Variants in B3GALT1 observed in about 807,000 individuals in gnomAD.
B3GALT1 encodes the protein UDP-Gal:betaGlcNAc beta 1,3-galactosyltransferase, polypeptide 1.
A neutral mutation model predicts 23.2 loss-of-function variants in B3GALT1; 10 were observed. That is an observed-to-expected ratio of 0.43 (90% confidence interval 0.27 to 0.73). The LOEUF (loss-of-function observed/expected upper bound fraction) is 0.73, where lower values mean the gene tolerates loss of function less well. Ranked by LOEUF, B3GALT1 falls within the 30% of genes least tolerant of loss-of-function variation. B3GALT1 has a pLI of 0.21. For synonymous variants in B3GALT1, 156 were observed against 141.5 expected, an observed-to-expected ratio of 1.10 and a Z score of -0.73; for missense variants, 299 against 405.4, an observed-to-expected ratio of 0.74 and a Z score of 2.25.
chr2:167,378,086 G>A (rs1697792586), intron 1 of B3GALT1, among the ~76,000 whole-genome samples: 2 of 152,118 alleles, frequency 1.3e-5, no homozygotes. Flanking sequence ...ATGATTCTTA[G>A]TTTGGCAGGA....
chr2:167,319,069 C>A (rs556256647), intron 1 of B3GALT1, among the ~76,000 whole-genome samples: 1 of 152,260 alleles, frequency 6.6e-6, no homozygotes, highest in South Asian at 2.1e-4. Flanking sequence ...AGAACTTCAG[C>A]ATTAGACACC....
chr2:167,742,406 A>G (rs1275160887), intron 3 of B3GALT1, among the ~76,000 whole-genome samples: 1 of 152,208 alleles, frequency 6.6e-6, no homozygotes, highest in Non-Finnish European at 1.5e-5. Context: ...GATGAGAAAT[A>G]TTTGTGTAGA....
At chr2:167,358,371 G>A (rs1487162146) in intron 1 of B3GALT1, among the ~76,000 whole-genome samples, 1 of 152,152 alleles carries the variant, frequency 6.6e-6, no homozygotes, top group African/African-American at 2.4e-5. Flanking sequence ...GATTACATCG[G>A]CAGATTAGGA....
At chr2:167,678,370 C>T (rs747419548) in intron 3 of B3GALT1, among the ~76,000 whole-genome samples, 34 of 152,080 alleles carry the variant, frequency 2.2e-4, no homozygotes, top group Non-Finnish European at 4.4e-4. Context: ...AAAACTGAGG[C>T]CCAAAAAAGC....
intron 1 of B3GALT1, among the ~76,000 whole-genome samples, chr2:167,482,632 A>T (rs933585217): frequency 3.3e-5 from 5 of 152,180 alleles, no homozygotes; most frequent in African/African-American, 1.2e-4. Flanking sequence ...TATGCAAACA[A>T]AACCAAGCAT....
Position 167,442,945 on chromosome 2 carries a change from T to A in B3GALT1, c.-510-47232T>A, listed in dbSNP as rs1375680060. Among the ~76,000 whole-genome samples the A allele has an allele frequency of 5.2e-3, 767 of 148,922 alleles. 7 individuals carry two copies. Among genetic ancestry groups the A allele is most frequent in the African/African-American group, 0.018 (735 of 40,228 alleles). The stretch of plus-strand genomic sequence containing the variant: ...TTTTGGTGTTTTAGACATGAAGTCC[T>A]TGCCCATGCCTATGTCCTGAATGGT... On this transcript the variant is annotated intron_variant, in intron 1 of 4. Transcript: ENST00000392690.
chr2:167,506,535 GA>G (rs948644285), intron 2 of B3GALT1, among the ~76,000 whole-genome samples: 1 of 152,152 alleles, frequency 6.6e-6, no homozygotes, highest in African/African-American at 2.4e-5. Flanking sequence ...TTTGTGGGGT[GA>G]GGAAAGAAAG....
At chr2:167,820,217 CAG>C (rs372592144) in intron 4 of B3GALT1, among the ~76,000 whole-genome samples, 1 of 152,234 alleles carries the variant, frequency 6.6e-6, no homozygotes, top group East Asian at 1.9e-4. Context: ...AAAAACAAAA[CAG>C]AAAATAAATA....
At chr2:167,313,601 T>C (rs1350991346) in intron 1 of B3GALT1, among the ~76,000 whole-genome samples, 2 of 152,140 alleles carry the variant, frequency 1.3e-5, no homozygotes, top group Non-Finnish European at 2.9e-5. Flanking sequence ...CATTCGTTTC[T>C]TGAACTGGTT....
chr2:167,846,227 A>G (rs1387881946), intron 4 of B3GALT1, among the ~76,000 whole-genome samples: 3 of 152,162 alleles, frequency 2.0e-5, no homozygotes, highest in Admixed American at 2.0e-4. Flanking sequence ...AGACCTAGAC[A>G]CCCAAATACA....
intron 3 of B3GALT1, among the ~76,000 whole-genome samples, chr2:167,710,115 C>T (rs933004678): frequency 2.6e-5 from 4 of 152,138 alleles, no homozygotes; most frequent in African/African-American, 9.7e-5. Flanking sequence ...AAGAATTTTA[C>T]CCCAGGTGCA....
intron 3 of B3GALT1, among the ~76,000 whole-genome samples, chr2:167,813,650 T>C (rs1446045286): frequency 6.6e-6 from 1 of 152,220 alleles, no homozygotes; most frequent in Admixed American, 6.5e-5. Context: ...TCTGTGCCTG[T>C]CAAATCTTGG....
chr2:167,784,953 A>T (rs914945505), intron 3 of B3GALT1, among the ~76,000 whole-genome samples: 1 of 152,198 alleles, frequency 6.6e-6, no homozygotes, highest in South Asian at 2.1e-4. Context: ...GTAATATTTC[A>T]AGATAGTATC....
At chr2:167,679,033 C>A (rs1186074296) in intron 3 of B3GALT1, among the ~76,000 whole-genome samples, 2 of 151,616 alleles carry the variant, frequency 1.3e-5, no homozygotes, top group African/African-American at 4.8e-5. Context: ...CTTTTTATAC[C>A]TATTCTTTTG....
At chr2:167,681,149 G>A (rs1024274355) in intron 3 of B3GALT1, among the ~76,000 whole-genome samples, 2 of 152,124 alleles carry the variant, frequency 1.3e-5, no homozygotes, top group Non-Finnish European at 2.9e-5. Flanking sequence ...CAACCGCGCT[G>A]CAGCAAGCAC....
At chr2:167,431,518 C>T (rs1698703663) in intron 1 of B3GALT1, among the ~76,000 whole-genome samples, 1 of 152,146 alleles carries the variant, frequency 6.6e-6, no homozygotes, top group Non-Finnish European at 1.5e-5. Context: ...AAAATATCTC[C>T]CCCAAATAGA....
Position 167,387,032 on chromosome 2 carries a change from T to TA in B3GALT1, c.-511+93698_-511+93699insA, listed in dbSNP as rs199874701. ...AGTCTCATCATATCATATCATATCA[T>TA]TTCATGGGTAAGGAAACTGCCTTGG... is the stretch of plus-strand genomic sequence containing the variant. On this transcript the variant is annotated intron_variant, in intron 1 of 4. Transcript: ENST00000392690. Among the ~76,000 whole-genome samples, 495 of 149,722 alleles carry TA rather than the reference T, an allele frequency of 3.3e-3. 3 individuals carry two copies. Among genetic ancestry groups the TA allele is most frequent in the African/African-American group, 0.011 (450 of 39,158 alleles).
At chr2:167,563,350 C>T (rs1372933082) in intron 2 of B3GALT1, among the ~76,000 whole-genome samples, 39 of 140,560 alleles carry the variant, frequency 2.8e-4, no homozygotes, top group Admixed American at 6.9e-4. Flanking sequence ...GCTGGCCGGG[C>T]GGGGGGCTGA....
chr2:167,581,406 A>G (rs570168512), intron 2 of B3GALT1, among the ~76,000 whole-genome samples: 1 of 152,370 alleles, frequency 6.6e-6, no homozygotes, highest in East Asian at 1.9e-4. Flanking sequence ...TGACTGTTCC[A>G]TTATTAGTCA....
Sources: gnomAD v4.1 joint callset for allele counts (sites outside exome capture counted in the v4.1 genomes callset) on GRCh38, gnomAD v4.1.1 for gene constraint, MANE v1.5 for transcripts, NCBI Gene and HGNC (gene_info 2026-07-23, HGNC 2026-07-21) for gene names.